GORASP2: variants seen among roughly 807,000 people sequenced by gnomAD.
GORASP2 encodes the protein Golgi reassembly-stacking protein 2.
Under a neutral mutation model 45.7 loss-of-function variants are expected in GORASP2, and 22 were observed. The observed-to-expected ratio is 0.48, with a 90% CI of 0.34 to 0.69. GORASP2 has a LOEUF of 0.69. Ranked by LOEUF, GORASP2 falls within the 30% of genes least tolerant of loss-of-function variation. The pLI is 0.01. For missense variants in GORASP2, 491 were observed against 562.7 expected (o/e 0.87, Z 1.29); for synonymous variants, 221 against 215.6 (o/e 1.02, Z -0.22).
chr2:170,939,929 T>C (rs1323894813), intron 1 of GORASP2, among the ~76,000 whole-genome samples: 1 of 152,204 alleles, frequency 6.6e-6, no homozygotes, highest in Non-Finnish European at 1.5e-5. Flanking sequence ...CATTTAGGTA[T>C]TGCTTGGATT....
intron 5 of GORASP2, among the ~76,000 whole-genome samples, chr2:170,953,046 G>T (rs1267808307): frequency 6.6e-6 from 1 of 152,142 alleles, no homozygotes; most frequent in African/African-American, 2.4e-5. Context: ...GCATCATTGT[G>T]CATATCAGAC....
At chr2:170,954,530 G>C (rs146683621) in intron 5 of GORASP2, 120 bp from the exon 6 acceptor site, 1 of 678,354 alleles carries the variant, frequency 1.5e-6, no homozygotes, top group South Asian at 2.0e-5. Flanking sequence ...AAAGAAGGGA[G>C]TGCATGTTCA....
intron 1 of GORASP2, among the ~76,000 whole-genome samples, chr2:170,940,641 C>CTTT (rs78088107): frequency 2.2e-5 from 3 of 138,514 alleles, no homozygotes; most frequent in African/African-American, 8.0e-5. Context: ...AAGTGAATTG[C>CTTT]TTTTTTTTTT....
At chr2:170,943,734 G>A (rs956987428) in intron 1 of GORASP2, among the ~76,000 whole-genome samples, 7 of 152,140 alleles carry the variant, frequency 4.6e-5, no homozygotes, top group African/African-American at 1.4e-4. Flanking sequence ...GTGCAGTGGC[G>A]TGATCCTGAC....
chr2:170,949,144 A>G (rs1446424067), intron 2 of GORASP2, among the ~76,000 whole-genome samples: 2 of 152,212 alleles, frequency 1.3e-5, no homozygotes, highest in Non-Finnish European at 2.9e-5. Flanking sequence ...TAAAGCATGT[A>G]TTTAGAAATA....
intron 9 of GORASP2, among the ~76,000 whole-genome samples, chr2:170,964,607 C>T (rs544454780): frequency 1.5e-4 from 23 of 152,086 alleles, no homozygotes; most frequent in African/African-American, 5.1e-4. Flanking sequence ...GAGCTGAGGT[C>T]GCACCACTGC....
chr2:170,939,495 C>A (rs1704025600), intron 1 of GORASP2, among the ~76,000 whole-genome samples: 1 of 152,184 alleles, frequency 6.6e-6, no homozygotes, highest in South Asian at 2.1e-4. Context: ...GCTTCAGTTA[C>A]CTTTGGTCAA....
intron 1 of GORASP2, among the ~76,000 whole-genome samples, chr2:170,934,958 G>A (rs1419719264): frequency 1.3e-5 from 2 of 152,128 alleles, no homozygotes; most frequent in Admixed American, 6.5e-5. Context: ...AGCTGGTCTC[G>A]AACTGCTGAC....
chr2:170,931,945 T>C (rs781346663), intron 1 of GORASP2, among the ~76,000 whole-genome samples: 13 of 152,224 alleles, frequency 8.5e-5, no homozygotes, highest in Non-Finnish European at 1.3e-4. Flanking sequence ...AAAGTCTCTT[T>C]GGCCGCGCAC....
chr2:170,950,843 A>G (rs13007546), intron 4 of GORASP2, among the ~76,000 whole-genome samples: 12,607 of 152,126 alleles, frequency 0.083, 676 homozygotes, highest in Middle Eastern at 0.12. Flanking sequence ...TTAGCCAGGC[A>G]TGGTGGTGCA....
At chr2:170,944,918 T>C (rs1357973341) in intron 1 of GORASP2, among the ~76,000 whole-genome samples, 1 of 152,190 alleles carries the variant, frequency 6.6e-6, no homozygotes, top group African/African-American at 2.4e-5. Flanking sequence ...GGATCTGTGC[T>C]GTTCATTCCC....
rs1187389078 is a variant in GORASP2 at position 170,949,406 on chromosome 2, T to G, written c.145-133T>G. 6.8e-5 allele frequency: 43 copies of G among 634,896 alleles called. No individual in the cohort carries two copies. The South Asian group carries it at 8.4e-4, about 12-fold the overall frequency. 39.3% of individuals were successfully genotyped at this position (634,896 alleles called of 1,614,324 possible). A position where few individuals can be genotyped will look rare whatever the true frequency, so the allele number is the denominator to read the frequency against. ...ACATTCTTTTACATAGAAGAAAATT[T>G]AAATGTTGGTGAAACCTTTGTTGAA... On this transcript the variant is annotated intron_variant, in intron 2 of 9. Coordinates refer to ENST00000234160, the MANE Select transcript of GORASP2 (RefSeq NM_015530.5).
chr2:170,958,965 C>T (rs556178057), intron 7 of GORASP2, among the ~76,000 whole-genome samples: 6 of 151,868 alleles, frequency 4.0e-5, no homozygotes, highest in East Asian at 1.9e-4. Flanking sequence ...CCACTGTGCC[C>T]GGCCCTTTTT....
At chr2:170,950,325 TA>T in intron 4 of GORASP2, 35 bp downstream of exon 4, 1 of 1,041,326 alleles carries the variant, frequency 9.6e-7, no homozygotes, top group Non-Finnish European at 1.4e-6. Context: ...GAGAACTATA[TA>T]AAATTTTCTC....
chr2:170,956,153 T>A (rs948371335), intron 6 of GORASP2, among the ~76,000 whole-genome samples: 2 of 152,150 alleles, frequency 1.3e-5, no homozygotes, highest in African/African-American at 2.4e-5. Context: ...GAGAGTAGAA[T>A]CTCTTCTAGT....
At chr2:170,960,662 A>G (rs1330346076) in intron 7 of GORASP2, among the ~76,000 whole-genome samples, 1 of 152,254 alleles carries the variant, frequency 6.6e-6, no homozygotes, top group East Asian at 1.9e-4. Context: ...CAAAGCACAC[A>G]CTCACTAACA....
intron 6 of GORASP2, among the ~76,000 whole-genome samples, chr2:170,955,957 G>A (rs989337281): frequency 6.6e-6 from 1 of 151,914 alleles, no homozygotes; most frequent in African/African-American, 2.4e-5. Flanking sequence ...TTTATTCACT[G>A]ATGAGAAAAT....
At chr2:170,938,691 T>G (rs1208349114) in intron 1 of GORASP2, among the ~76,000 whole-genome samples, 1 of 152,230 alleles carries the variant, frequency 6.6e-6, no homozygotes, top group Non-Finnish European at 1.5e-5. Flanking sequence ...GATTACATAG[T>G]TAGCCTCCTC....
At chr2:170,943,386 T>C (rs942697137) in intron 1 of GORASP2, among the ~76,000 whole-genome samples, 3 of 152,212 alleles carry the variant, frequency 2.0e-5, no homozygotes, top group African/African-American at 7.2e-5. Flanking sequence ...CCTCAGATGG[T>C]GATTGCAGAG....
Sources: gnomAD v4.1 joint callset for allele counts (sites outside exome capture counted in the v4.1 genomes callset) on GRCh38, gnomAD v4.1.1 for gene constraint, MANE v1.5 for transcripts, NCBI Gene and HGNC (gene_info 2026-07-23, HGNC 2026-07-21) for gene names.